The following PIR variants were observed in gnomAD, a reference collection of about 807,000 sequenced individuals.
PIR encodes pirin.
In PIR, 22 loss-of-function variants were observed where a neutral mutation model predicts 24.2. That is an observed-to-expected ratio of 0.91 (90% CI 0.65 to 1.30). PIR has a LOEUF of 1.30. Ranked by LOEUF, PIR falls within the 50% of genes most tolerant of loss-of-function variation. The pLI, the probability that PIR is intolerant of heterozygous loss-of-function variation, is 0.00. For synonymous variants in PIR, 80 were observed against 79.6 expected (o/e 1.00, Z -0.03); for missense variants, 220 against 220.3 (o/e 1.00, Z 0.01).
Position 15,418,847 on chromosome X carries a change from A to G in PIR, c.565+7059T>C, listed in dbSNP as rs765258620. Among the ~76,000 whole-genome samples, 9 of 112,067 alleles carry G rather than the reference A, an allele frequency of 8.0e-5. No homozygotes were observed. In the South Asian group the frequency reaches 2.2e-3, roughly 28 times the overall value. On this transcript the variant is annotated intron_variant, in intron 6 of 9. Transcript: ENST00000380420. ...GAGGATGGTAGCAGTGTATGCTTCTATTGCTATCCAATTAGTCTGTTAATG... is the reference window on the plus strand; with the variant it reads ...GAGGATGGTAGCAGTGTATGCTTCTGTTGCTATCCAATTAGTCTGTTAATG...
At position 15,406,221 on chromosome X, in the gene PIR, TGG is replaced by T. The variant is rs769869984; in HGVS notation, c.610+1283_610+1284del. ...CATCCACACCACCCATAACCGTCTG[TGG>T]GGATGAGGAGGAGAAAACGAGGGGC... On this transcript the variant is annotated intron_variant, in intron 7 of 9. Coordinates refer to ENST00000380420, the MANE Select transcript of PIR (RefSeq NM_001018109.3). 3.6e-5 allele frequency among the ~76,000 whole-genome samples: 4 copies of T among 112,267 alleles called. No homozygotes were observed. The East Asian group carries it at 1.1e-3, about 32-fold the overall frequency.
At position 15,472,097 on chromosome X, in the gene PIR, T is replaced by C. The variant is rs767518832; in HGVS notation, c.189+7632A>G. On this transcript the variant is annotated intron_variant, in intron 3 of 9. Transcript: ENST00000380420. ...CCAAGTAGGAGGCCTCAGCAAGAGT[T>C]CCTGGAGAACAAGTGATCATCAGGA... is the stretch of plus-strand genomic sequence containing the variant. Among the ~76,000 whole-genome samples, 36 of 112,036 alleles carry C rather than the reference T, an allele frequency of 3.2e-4. 1 individual carries two copies. In the South Asian group the frequency reaches 0.013, roughly 40 times the overall value.
intron 2 of PIR, 94 bp downstream of exon 2, chrX:15,491,068 C>T (rs903056218): frequency 1.1e-5 from 7 of 615,760 alleles, no homozygotes; most frequent in African/African-American, 6.7e-5. Flanking sequence ...GGCCAGCTCA[C>T]GACTATCTTG....
At chrX:15,447,584 C>T (rs1306170173) in intron 5 of PIR, among the ~76,000 whole-genome samples, 1 of 112,072 alleles carries the variant, frequency 8.9e-6, no homozygotes, top group Non-Finnish European at 1.9e-5. Context: ...TCCCAAAGTG[C>T]TGGGATTACA....
intron 6 of PIR, among the ~76,000 whole-genome samples, chrX:15,411,580 GGA>G (rs1372431672): frequency 2.7e-5 from 3 of 111,247 alleles, no homozygotes; most frequent in African/African-American, 9.8e-5. Flanking sequence ...ACTGGGCTAA[GGA>G]GAGATTGCAA....
At chrX:15,422,324 A>G (rs1198181394) in intron 6 of PIR, among the ~76,000 whole-genome samples, 65 of 95,495 alleles carry the variant, frequency 6.8e-4, no homozygotes, top group Non-Finnish European at 1.1e-3. Flanking sequence ...CAGAGCAACT[A>G]GGCAAGAGAA....
chrX:15,433,290 C>T (rs923525056), intron 5 of PIR, among the ~76,000 whole-genome samples: 8 of 110,259 alleles, frequency 7.3e-5, no homozygotes, highest in African/African-American at 2.0e-4. Context: ...GCCAAGAAAA[C>T]GGTGTCACCT....
At chrX:15,473,546 TTTTA>T (rs1019635576) in intron 3 of PIR, among the ~76,000 whole-genome samples, 26 of 111,748 alleles carry the variant, frequency 2.3e-4, no homozygotes, top group African/African-American at 6.8e-4. Context: ...ACTTTTTTAT[TTTTA>T]TTTATTTATT....
chrX:15,403,006 C>T (rs758204639), intron 7 of PIR, among the ~76,000 whole-genome samples: 17 of 111,908 alleles, frequency 1.5e-4, no homozygotes, highest in Non-Finnish European at 3.0e-4. Context: ...CTGATGGGAG[C>T]AGCTATGAGC....
At chrX:15,464,674 G>A (rs1921469648) in intron 3 of PIR, among the ~76,000 whole-genome samples, 1 of 112,455 alleles carries the variant, frequency 8.9e-6, no homozygotes, top group South Asian at 3.7e-4. Flanking sequence ...CTAATACAAA[G>A]CTTAAAAATT....
In PIR at chrX:15,389,961, T is replaced by C. The variant is rs1923900637; in HGVS notation, c.760+224A>G. ...CCACAGTTCCAAACTCAATATCCTA[T>C]ACATAATAGGTATCTAAGAAATGTT... On this transcript the variant is annotated intron_variant, in intron 9 of 9. Transcript: ENST00000380420. 3 of 249,678 alleles carry C rather than the reference T, an allele frequency of 1.2e-5. No individual in the cohort carries two copies. The Admixed American group carries it at 2.1e-4, about 17-fold the overall frequency. 20.6% of individuals were successfully genotyped at this position (249,678 alleles called of 1,213,427 possible). A position where few individuals can be genotyped will look rare whatever the true frequency, so the allele number is the denominator to read the frequency against.
intron 3 of PIR, among the ~76,000 whole-genome samples, chrX:15,474,403 C>T (rs1035782841): frequency 3.6e-5 from 4 of 112,309 alleles, no homozygotes; most frequent in African/African-American, 1.3e-4. Flanking sequence ...GGTGCGTCCA[C>T]AAGGACTCAA....
At chrX:15,399,809 T>C (rs756459881) in intron 7 of PIR, among the ~76,000 whole-genome samples, 1 of 111,689 alleles carries the variant, frequency 9.0e-6, no homozygotes, top group African/African-American at 3.3e-5. Flanking sequence ...CCGAAACCTG[T>C]TCTTTTAACA....
chrX:15,417,909 C>T (rs773392790), intron 6 of PIR, among the ~76,000 whole-genome samples: 2 of 111,647 alleles, frequency 1.8e-5, no homozygotes, highest in African/African-American at 3.3e-5. Context: ...CCTATCTCAG[C>T]AGCATTAACT....
intron 3 of PIR, among the ~76,000 whole-genome samples, chrX:15,461,560 C>T (rs945479347): frequency 4.5e-5 from 5 of 112,231 alleles, no homozygotes; most frequent in Admixed American, 1.9e-4. Context: ...GTGGGCGGAT[C>T]GCCTGAGGTC....
chrX:15,422,579 T>A (rs1925171013), intron 6 of PIR, among the ~76,000 whole-genome samples: 1 of 107,813 alleles, frequency 9.3e-6, no homozygotes, highest in Admixed American at 9.9e-5. Context: ...TTTACAATGG[T>A]TACAAAAAAA....
In PIR at chrX:15,390,245, T is replaced by C. The variant is rs759434052; in HGVS notation, c.700A>G (p.Lys234Glu). 10 of 1,120,593 alleles carry C rather than the reference T, an allele frequency of 8.9e-6. No individual in the cohort carries two copies. In the African/African-American group the frequency reaches 1.8e-4, roughly 20 times the overall value. The allele number at this position is 1,120,593 out of a possible 1,213,427, so 92.3% of individuals were successfully genotyped here. A position where few individuals can be genotyped will look rare whatever the true frequency, so the allele number is the denominator to read the frequency against. The part of the protein sequence containing the change: ...DSVQVENKDP[K>E]RSHFVLIAGE... The stretch of plus-strand genomic sequence containing the variant: ...GCAATTAAGACAAAGTGGCTTCTCT[T>C]GGGATCCTAAAGTTAACAAAGAAAA... The change falls in exon 9 of 10, where the codon AAG becomes GAG. Residue 234 changes from lysine to glutamate, a missense_variant. By Grantham distance (56) the Lys-to-Glu change is moderately conservative. Transcript: ENST00000380420.
intron 7 of PIR, among the ~76,000 whole-genome samples, chrX:15,406,743 C>T (rs150823439): frequency 9.0e-6 from 1 of 111,259 alleles, no homozygotes; most frequent in Non-Finnish European, 1.9e-5. Flanking sequence ...AGGAGGAGAC[C>T]CAGGCAGGAA....
At chrX:15,393,753 T>A (rs1387145728) in intron 8 of PIR, among the ~76,000 whole-genome samples, 4 of 106,545 alleles carry the variant, frequency 3.8e-5, no homozygotes, top group Non-Finnish European at 7.7e-5. Flanking sequence ...GATGGGACCA[T>A]CTAGTTGCAG....
Sources: gnomAD v4.1 joint callset for allele counts (sites outside exome capture counted in the v4.1 genomes callset) on GRCh38, gnomAD v4.1.1 for gene constraint, MANE v1.5 for transcripts, NCBI Gene and HGNC (gene_info 2026-07-23, HGNC 2026-07-21) for gene names.